TANC1: variants seen among roughly 807,000 people sequenced by gnomAD.
TANC1 encodes protein TANC1.
Under a neutral mutation model 149.7 loss-of-function variants are expected in TANC1, and 77 were observed. The ratio of observed to expected loss-of-function variants is 0.51; its 90% CI spans 0.43 to 0.62. The LOEUF (loss-of-function observed/expected upper bound fraction) is 0.62. Among genes scored for constraint, TANC1 ranks in the 20% least tolerant of loss-of-function variants. The pLI, the probability that TANC1 is intolerant of heterozygous loss-of-function variation, is 0.00. For synonymous variants in TANC1, 854 were observed against 925.0 expected (o/e 0.92, Z 1.39); for missense variants, 1,985 against 2,321.8 (o/e 0.85, Z 2.98).
At chr2:159,125,174 C>G (rs778576743) in intron 4 of TANC1, among the ~76,000 whole-genome samples, 34 of 77,260 alleles carry the variant, frequency 4.4e-4, no homozygotes, top group African/African-American at 1.3e-3. Flanking sequence ...TCTGCCCATA[C>G]AGATTTATTA....
chr2:159,084,439 G>T (rs569822170), intron 3 of TANC1, among the ~76,000 whole-genome samples: 12 of 152,122 alleles, frequency 7.9e-5, no homozygotes, highest in African/African-American at 2.9e-4. Flanking sequence ...TTTAAATACT[G>T]CCTAGAAACA....
intron 5 of TANC1, among the ~76,000 whole-genome samples, chr2:159,137,753 A>G (rs1216203320): frequency 6.6e-6 from 1 of 152,134 alleles, no homozygotes; most frequent in African/African-American, 2.4e-5. Flanking sequence ...TAAGCCTGCT[A>G]CCTACCTCTT....
At chr2:159,078,489 T>C (rs2043920346) in intron 3 of TANC1, among the ~76,000 whole-genome samples, 1 of 152,242 alleles carries the variant, frequency 6.6e-6, no homozygotes, top group South Asian at 2.1e-4. Context: ...ATCAGTTCTG[T>C]AAATTCACTG....
At chr2:159,002,279 G>A (rs990509133) in intron 2 of TANC1, among the ~76,000 whole-genome samples, 9 of 152,130 alleles carry the variant, frequency 5.9e-5, no homozygotes, top group African/African-American at 1.7e-4. Context: ...TGGCCTGCCC[G>A]AGGGGACCCA....
At chr2:159,190,663 T>C (rs1307510175) in intron 16 of TANC1, among the ~76,000 whole-genome samples, 1 of 152,206 alleles carries the variant, frequency 6.6e-6, no homozygotes, top group East Asian at 1.9e-4. Context: ...GTGATTCTCC[T>C]GCCTCAGCCT....
intron 2 of TANC1, among the ~76,000 whole-genome samples, chr2:159,014,683 A>G (rs191244704): frequency 1.3e-5 from 2 of 152,356 alleles, no homozygotes; most frequent in Non-Finnish European, 1.5e-5. Context: ...GTTATTTCTT[A>G]GATACAAAGG....
At chr2:159,080,315 CAG>C (rs34649760) in intron 3 of TANC1, among the ~76,000 whole-genome samples, 36,801 of 152,078 alleles carry the variant, frequency 0.24, 5,846 homozygotes, top group Non-Finnish European at 0.36. Flanking sequence ...TAGAAGAGAG[CAG>C]AGAGTGTCAG....
At chr2:159,038,628 G>A (rs1490996406) in intron 2 of TANC1, among the ~76,000 whole-genome samples, 2 of 152,160 alleles carry the variant, frequency 1.3e-5, no homozygotes, top group East Asian at 3.9e-4. Flanking sequence ...TTTGTCTTTG[G>A]TTCTGTTTAT....
chr2:159,120,449 T>C (rs971197568), intron 4 of TANC1, among the ~76,000 whole-genome samples: 9 of 152,142 alleles, frequency 5.9e-5, no homozygotes, highest in Non-Finnish European at 1.3e-4. Flanking sequence ...AGGGACTATT[T>C]TGAGCCTTTT....
intron 2 of TANC1, chr2:159,003,887 A>T (rs530354564): frequency 6.2e-7 from 1 of 1,612,862 alleles, no homozygotes; most frequent in South Asian, 1.1e-5. Context: ...TCAGGTCCAG[A>T]TAGGGGGCAA....
At chr2:159,151,256 A>C (rs1166717958) in intron 7 of TANC1, among the ~76,000 whole-genome samples, 1 of 152,150 alleles carries the variant, frequency 6.6e-6, no homozygotes, top group East Asian at 1.9e-4. Flanking sequence ...TCATCCATGG[A>C]ATTTAAGAGT....
chr2:159,221,241 C>T (rs771293918), intron 22 of TANC1, among the ~76,000 whole-genome samples: 21 of 151,872 alleles, frequency 1.4e-4, no homozygotes, highest in Non-Finnish European at 2.9e-4. Context: ...ATTAGCTGGG[C>T]GTGGTGGCGG....
At chr2:159,025,179 T>TCTTTC (rs1491349490) in intron 2 of TANC1, among the ~76,000 whole-genome samples, 1 of 105,928 alleles carries the variant, frequency 9.4e-6, no homozygotes, top group African/African-American at 3.3e-5. Flanking sequence ...TCTTTCTTTC[T>TCTTTC]TTTTCTTTCT....
At chr2:159,217,360 A>G in intron 19 of TANC1, 137 bp from the exon 20 acceptor site, 2 of 1,114,920 alleles carry the variant, frequency 1.8e-6, no homozygotes, top group Non-Finnish European at 2.6e-6. Flanking sequence ...CAAAGCTGTC[A>G]CAGAGCCCCC....
At chr2:159,075,844 G>A (rs2043618431) in intron 3 of TANC1, among the ~76,000 whole-genome samples, 1 of 151,734 alleles carries the variant, frequency 6.6e-6, no homozygotes, top group African/African-American at 2.4e-5. Context: ...AGTTAATAGG[G>A]AAAGGAAATG....
intron 19 of TANC1, among the ~76,000 whole-genome samples, chr2:159,206,364 C>T (rs981054112): frequency 2.6e-5 from 4 of 152,112 alleles, no homozygotes; most frequent in African/African-American, 9.7e-5. Flanking sequence ...TCTCACAGAC[C>T]CCTGGGTTTT....
intron 10 of TANC1, among the ~76,000 whole-genome samples, chr2:159,171,876 GA>G (rs1305567801): frequency 0.38 from 28,281 of 74,462 alleles, 5,529 homozygotes; most frequent in Non-Finnish European, 0.49. Flanking sequence ...AAAAAAAAAA[GA>G]AAAAGAAAAA....
In TANC1 at chr2:159,114,101, A is replaced by G. The variant is rs13411617; in HGVS notation, c.259+16267A>G. Among the ~76,000 whole-genome samples, 811 of 152,328 alleles carry G rather than the reference A, an allele frequency of 5.3e-3. 2 individuals are homozygous for G. Among genetic ancestry groups the G allele is most frequent in the African/African-American group, 0.019 (789 of 41,570 alleles). ...TCTTAGTCCTATTGTAGCTTTTATT[A>G]AAAGTGATAAAGATCAGTGAGAGCA... On this transcript the variant is annotated intron_variant, in intron 4 of 26. Coordinates refer to ENST00000263635, the MANE Select transcript of TANC1 (RefSeq NM_033394.3).
chr2:159,066,274 A>G (rs1368366943), intron 3 of TANC1, among the ~76,000 whole-genome samples: 2 of 152,006 alleles, frequency 1.3e-5, no homozygotes, highest in Non-Finnish European at 2.9e-5. Flanking sequence ...TTATCCGGGT[A>G]TGGTGGCACA....
Sources: allele counts gnomAD v4.1 joint callset (sites outside exome capture counted in the v4.1 genomes callset), GRCh38; gene constraint gnomAD v4.1.1; transcripts MANE v1.5; gene names NCBI Gene and HGNC (gene_info 2026-07-23, HGNC 2026-07-21).